PRKCB: variants seen among roughly 807,000 people sequenced by gnomAD.
The protein encoded by PRKCB is protein kinase C beta type.
A neutral mutation model predicts 81.5 loss-of-function variants in PRKCB; 13 were observed. That is an observed-to-expected ratio of 0.16 (90% CI 0.10 to 0.25). The LOEUF (loss-of-function observed/expected upper bound fraction) is 0.25. PRKCB is among the 10% of genes least tolerant of loss of function. The probability of loss-of-function intolerance (pLI) is 1.00; values close to 1 mark genes in which losing one functional copy is unlikely to be tolerated. For missense variants in PRKCB, 509 were observed against 875.7 expected (o/e 0.58, Z 5.29); for synonymous variants, 335 against 321.4 (o/e 1.04, Z -0.45).
intron 9 of PRKCB, among the ~76,000 whole-genome samples, chr16:24,132,916 C>A (rs150272577): frequency 1.0e-3 from 158 of 152,040 alleles, no homozygotes; most frequent in African/African-American, 3.8e-3. Flanking sequence ...AAAGTGCTGG[C>A]ATTACAGGCA....
intron 16 of PRKCB, among the ~76,000 whole-genome samples, chr16:24,209,346 G>A (rs1217056692): frequency 1.3e-5 from 2 of 151,992 alleles, no homozygotes; most frequent in Non-Finnish European, 2.9e-5. Flanking sequence ...CCTCTCCTGT[G>A]GATGACTGCG....
chr16:24,117,933 C>G (rs936781069), intron 8 of PRKCB, among the ~76,000 whole-genome samples: 2 of 152,218 alleles, frequency 1.3e-5, no homozygotes, highest in Admixed American at 1.3e-4. Context: ...CCAGGGAAAT[C>G]CACTCACCCG....
At chr16:24,105,323 G>T (rs1320555427) in intron 7 of PRKCB, among the ~76,000 whole-genome samples, 1 of 152,064 alleles carries the variant, frequency 6.6e-6, no homozygotes, top group East Asian at 1.9e-4. Flanking sequence ...CCAAAGTGGT[G>T]CTGGGGTTAC....
intron 9 of PRKCB, among the ~76,000 whole-genome samples, chr16:24,146,031 A>G (rs1966983524): frequency 6.6e-6 from 1 of 152,208 alleles, no homozygotes; most frequent in East Asian, 1.9e-4. Flanking sequence ...GGATATTTGG[A>G]TACCGACAGA....
chr16:23,946,459 T>C (rs1161374139), intron 2 of PRKCB, among the ~76,000 whole-genome samples: 1 of 152,136 alleles, frequency 6.6e-6, no homozygotes, highest in Non-Finnish European at 1.5e-5. Flanking sequence ...CGGTAAAGGG[T>C]AAGTTATATC....
At chr16:23,908,563 C>T (rs1399050736) in intron 2 of PRKCB, among the ~76,000 whole-genome samples, 1 of 152,108 alleles carries the variant, frequency 6.6e-6, no homozygotes, top group Non-Finnish European at 1.5e-5. Context: ...CGGATTCTCG[C>T]TCTGTCGCCC....
chr16:23,950,774 G>A (rs1964269904), intron 2 of PRKCB, among the ~76,000 whole-genome samples: 1 of 152,222 alleles, frequency 6.6e-6, no homozygotes, highest in Admixed American at 6.5e-5. Context: ...TTTAGCAAGT[G>A]AAACTTTATT....
chr16:24,123,532 C>T (rs1966826210), intron 8 of PRKCB, among the ~76,000 whole-genome samples: 1 of 151,992 alleles, frequency 6.6e-6, no homozygotes, highest in South Asian at 2.1e-4. Context: ...GTGCCTTGTG[C>T]AGGTGAGAGA....
At chr16:24,120,372 T>C (rs1202301933) in intron 8 of PRKCB, among the ~76,000 whole-genome samples, 1 of 152,112 alleles carries the variant, frequency 6.6e-6, no homozygotes, top group Admixed American at 6.5e-5. Context: ...AAAGAGAAAA[T>C]GGCGGATGCT....
intron 3 of PRKCB, among the ~76,000 whole-genome samples, chr16:24,027,919 AC>A (rs1965502997): frequency 6.6e-6 from 1 of 151,726 alleles, no homozygotes; most frequent in Admixed American, 6.6e-5. Context: ...ACAGGCATGC[AC>A]CACTATGTCT....
intron 3 of PRKCB, among the ~76,000 whole-genome samples, chr16:24,025,587 A>T (rs1295789008): frequency 6.6e-6 from 1 of 152,226 alleles, no homozygotes; most frequent in Non-Finnish European, 1.5e-5. Flanking sequence ...AGATGCAATT[A>T]AGCGTGCATT....
At chr16:23,933,194 T>TCTTTCTTTTCATCCTTTCTTC in intron 2 of PRKCB, among the ~76,000 whole-genome samples, 1 of 152,314 alleles carries the variant, frequency 6.6e-6, no homozygotes, top group South Asian at 2.1e-4. Context: ...TAGGAAAGAC[T>TCTTTCTTTTCATCCTTTCTTC]CTTTCTTTTC....
At chr16:23,990,738 G>A (rs1964876239) in intron 3 of PRKCB, among the ~76,000 whole-genome samples, 1 of 152,044 alleles carries the variant, frequency 6.6e-6, no homozygotes, top group South Asian at 2.1e-4. Context: ...TGTAAAGATA[G>A]GTTTTCCCTA....
At chr16:23,892,249 G>A (rs964786289) in intron 2 of PRKCB, among the ~76,000 whole-genome samples, 3 of 151,846 alleles carry the variant, frequency 2.0e-5, no homozygotes, top group Non-Finnish European at 4.4e-5. Flanking sequence ...TTCTCCATCC[G>A]TCTCAATTAG....
chr16:23,931,459 A>G (rs969591043), intron 2 of PRKCB, among the ~76,000 whole-genome samples: 1 of 152,166 alleles, frequency 6.6e-6, no homozygotes, highest in African/African-American at 2.4e-5. Flanking sequence ...CTGTGTGGGA[A>G]AGATTTTGGC....
chr16:24,116,411 A>T (rs569877650), intron 8 of PRKCB, among the ~76,000 whole-genome samples: 38 of 151,294 alleles, frequency 2.5e-4, no homozygotes, highest in African/African-American at 6.5e-4. Flanking sequence ...ATATATATTT[A>T]AAAAAAAATA....
intron 8 of PRKCB, among the ~76,000 whole-genome samples, chr16:24,115,073 A>ATG (rs1567379978): frequency 2.6e-5 from 4 of 151,608 alleles, no homozygotes; most frequent in East Asian, 1.9e-4. Context: ...ATATAGCAGC[A>ATG]ATGTGAGACT....
intron 2 of PRKCB, among the ~76,000 whole-genome samples, chr16:23,909,701 G>A (rs1011529696): frequency 1.1e-4 from 16 of 152,168 alleles, no homozygotes; most frequent in Non-Finnish European, 1.8e-4. Flanking sequence ...GAGAACATGC[G>A]GTATTTGGCT....
chr16:24,034,519 G>A (rs534566523), intron 4 of PRKCB, among the ~76,000 whole-genome samples: 5 of 152,352 alleles, frequency 3.3e-5, no homozygotes, highest in South Asian at 4.1e-4. Context: ...GGAGGAGTGC[G>A]CAGAGGGAGT....
Sources: gnomAD v4.1 joint callset for allele counts (sites outside exome capture counted in the v4.1 genomes callset) on GRCh38, gnomAD v4.1.1 for gene constraint, MANE v1.5 for transcripts, NCBI Gene and HGNC (gene_info 2026-07-23, HGNC 2026-07-21) for gene names.